The following FAF1 variants were observed in gnomAD, a reference collection of about 807,000 sequenced individuals.
FAF1 encodes FAS-associated factor 1.
In FAF1, 25 loss-of-function variants were observed where a neutral mutation model predicts 92.5. That is an observed-to-expected ratio of 0.27 (90% CI 0.20 to 0.38). FAF1 has a LOEUF of 0.38. Ranked by LOEUF, FAF1 falls within the 10% of genes least tolerant of loss-of-function variation. The pLI is 1.00. For missense variants in FAF1, 636 were observed against 793.3 expected, an observed-to-expected ratio of 0.80 and a Z score of 2.38; for synonymous variants, 234 against 273.2, an observed-to-expected ratio of 0.86 and a Z score of 1.42.
At chr1:50,516,164 C>G (rs1477992413) in intron 15 of FAF1, among the ~76,000 whole-genome samples, 1 of 152,132 alleles carries the variant, frequency 6.6e-6, no homozygotes, top group Non-Finnish European at 1.5e-5. Flanking sequence ...TGAATTCAGG[C>G]AATATAGCAC....
intron 8 of FAF1, among the ~76,000 whole-genome samples, chr1:50,607,407 T>C (rs763176722): frequency 2.9e-4 from 44 of 152,216 alleles, no homozygotes; most frequent in Non-Finnish European, 4.9e-4. Context: ...TCATGTTTTC[T>C]CTCACCCTGA....
chr1:50,956,063 A>T (rs1194835601), intron 1 of FAF1, among the ~76,000 whole-genome samples: 1 of 152,200 alleles, frequency 6.6e-6, no homozygotes, highest in African/African-American at 2.4e-5. Flanking sequence ...CTGGAGATGG[A>T]TGGCAGTGAT....
At chr1:50,451,035 C>T (rs1312650449) in intron 18 of FAF1, among the ~76,000 whole-genome samples, 2 of 152,144 alleles carry the variant, frequency 1.3e-5, no homozygotes, top group African/African-American at 4.8e-5. Context: ...GGGGTGAGGG[C>T]TTCCAGGAAA....
chr1:50,945,257 C>A (rs2124757391), intron 1 of FAF1, among the ~76,000 whole-genome samples: 1 of 152,178 alleles, frequency 6.6e-6, no homozygotes, highest in South Asian at 2.1e-4. Context: ...GATGGCGTGG[C>A]CAGAGCCAGC....
At chr1:50,500,868 T>C (rs1018986534) in intron 15 of FAF1, among the ~76,000 whole-genome samples, 1 of 152,148 alleles carries the variant, frequency 6.6e-6, no homozygotes, top group African/African-American at 2.4e-5. Flanking sequence ...AAGCTGTTCA[T>C]CTAACAGTAG....
intron 1 of FAF1, among the ~76,000 whole-genome samples, chr1:50,871,654 A>G (rs1213934632): frequency 1.3e-5 from 2 of 152,202 alleles, no homozygotes; most frequent in Admixed American, 1.3e-4. Flanking sequence ...CTGCTTAGAA[A>G]AACAGATTCC....
chr1:50,897,086 T>A (rs1012141224), intron 1 of FAF1, among the ~76,000 whole-genome samples: 23 of 152,130 alleles, frequency 1.5e-4, no homozygotes, highest in Admixed American at 1.4e-3. Flanking sequence ...ATGAAATACA[T>A]GGGTATAAAT....
At chr1:50,672,845 G>C (rs971968882) in intron 7 of FAF1, among the ~76,000 whole-genome samples, 2 of 152,116 alleles carry the variant, frequency 1.3e-5, no homozygotes, top group Non-Finnish European at 2.9e-5. Context: ...GAGGCAGGGT[G>C]CAGTGGTTCA....
chr1:50,819,719 A>G (rs1427280222), intron 2 of FAF1, among the ~76,000 whole-genome samples: 2 of 14,416 alleles, frequency 1.4e-4, no homozygotes, highest in African/African-American at 3.9e-4. Context: ...ATATATACGT[A>G]TATATATATA....
intron 1 of FAF1, among the ~76,000 whole-genome samples, chr1:50,902,368 G>T (rs1015522828): frequency 6.6e-6 from 1 of 152,056 alleles, no homozygotes; most frequent in African/African-American, 2.4e-5. Flanking sequence ...AGAAATTAAA[G>T]AAAACATTTC....
At chr1:50,738,402 C>A (rs1287306652) in intron 6 of FAF1, among the ~76,000 whole-genome samples, 1 of 141,188 alleles carries the variant, frequency 7.1e-6, no homozygotes, top group Non-Finnish European at 1.5e-5. Context: ...AAGATCGTAC[C>A]ATTGCACCTC....
intron 2 of FAF1, among the ~76,000 whole-genome samples, chr1:50,848,003 T>C (rs980987393): frequency 6.6e-6 from 1 of 152,078 alleles, no homozygotes; most frequent in Non-Finnish European, 1.5e-5. Context: ...AGTGAAAGCA[T>C]CTTTCAAAAA....
chr1:50,710,132 T>C (rs770569157), intron 6 of FAF1, among the ~76,000 whole-genome samples: 1 of 152,214 alleles, frequency 6.6e-6, no homozygotes, highest in African/African-American at 2.4e-5. Flanking sequence ...GATTGTTATA[T>C]AGATCTTCCT....
At chr1:50,957,348 T>A in intron 1 of FAF1, among the ~76,000 whole-genome samples, 1 of 44,414 alleles carries the variant, frequency 2.3e-5, no homozygotes, top group Non-Finnish European at 5.1e-5. Context: ...TTTCATTTTC[T>A]TTTTTTTTTT....
chr1:50,682,121 C>A (rs1656454088), intron 7 of FAF1, among the ~76,000 whole-genome samples: 1 of 152,062 alleles, frequency 6.6e-6, no homozygotes. Flanking sequence ...AGGTGTGAGT[C>A]ACCACACTTG....
intron 7 of FAF1, among the ~76,000 whole-genome samples, chr1:50,677,883 A>C (rs1447508269): frequency 6.7e-6 from 1 of 149,520 alleles, no homozygotes; most frequent in East Asian, 1.9e-4. Context: ...CAACAAGAAC[A>C]AAACTCTGCC....
intron 18 of FAF1, among the ~76,000 whole-genome samples, chr1:50,449,268 TA>T (rs1299604997): frequency 6.6e-6 from 1 of 152,110 alleles, no homozygotes; most frequent in Non-Finnish European, 1.5e-5. Context: ...AAAGCTCAAA[TA>T]GGGGGACATT....
At chr1:50,456,764 T>C (rs1646357738) in intron 18 of FAF1, among the ~76,000 whole-genome samples, 1 of 152,100 alleles carries the variant, frequency 6.6e-6, no homozygotes, top group Admixed American at 6.5e-5. Flanking sequence ...AAGAAAAGAA[T>C]TTAGAACACT....
At chr1:50,523,352 T>G (rs936790161) in intron 15 of FAF1, among the ~76,000 whole-genome samples, 2 of 152,214 alleles carry the variant, frequency 1.3e-5, no homozygotes, top group African/African-American at 4.8e-5. Context: ...CTGTTTTCCA[T>G]AGCAGCTGCC....
Sources: allele counts gnomAD v4.1 joint callset (sites outside exome capture counted in the v4.1 genomes callset), GRCh38; gene constraint gnomAD v4.1.1; transcripts MANE v1.5; gene names NCBI Gene and HGNC (gene_info 2026-07-23, HGNC 2026-07-21).